The following NFASC variants were observed in gnomAD, a reference collection of about 807,000 sequenced individuals.
NFASC encodes neurofascin homolog.
In NFASC, 43 loss-of-function variants were observed where a neutral mutation model predicts 147.5. The observed-to-expected ratio is 0.29, with a 90% confidence interval of 0.23 to 0.38. The LOEUF (loss-of-function observed/expected upper bound fraction) is 0.38, where lower values mean the gene tolerates loss of function less well. Ranked by LOEUF, NFASC falls within the 10% of genes least tolerant of loss-of-function variation. The pLI, the probability that NFASC is intolerant of heterozygous loss-of-function variation, is 1.00. For synonymous variants in NFASC, 622 were observed against 665.5 expected (o/e 0.93, Z 1.01); for missense variants, 1,320 against 1,689.0 (o/e 0.78, Z 3.83).
chr1:204,924,986 C>T (rs979661408), intron 2 of NFASC, among the ~76,000 whole-genome samples: 9 of 152,186 alleles, frequency 5.9e-5, no homozygotes, highest in African/African-American at 9.7e-5. Flanking sequence ...AGTGATTCTC[C>T]GGCCTCAGCC....
chr1:204,969,055 G>A lies in NFASC; in HGVS notation c.1003+73G>A. 5 of 1,411,822 alleles carry A rather than the reference G, an allele frequency of 3.5e-6. No individual in the cohort carries two copies. The South Asian group carries it at 6.6e-5, about 19-fold the overall frequency. 87.5% of individuals were successfully genotyped at this position (1,411,822 alleles called of 1,614,324 possible). A position where few individuals can be genotyped will look rare whatever the true frequency, so the allele number is the denominator to read the frequency against. On this transcript the variant is annotated intron_variant, in intron 10 of 29. Transcript: ENST00000339876. ...ACCATGCCCACCCTTCCCTCTGAGG[G>A]TGGTTGGGGGCAGAGTGAGTCGGAG... is the stretch of plus-strand genomic sequence containing the variant.
At chr1:204,981,774 C>T in intron 20 of NFASC, 24 bp from the exon 21 acceptor site, 1 of 1,480,102 alleles carries the variant, frequency 6.8e-7, no homozygotes, top group South Asian at 1.3e-5. Flanking sequence ...GCAGCCTCTC[C>T]AGCCTGTCTG....
intron 11 of NFASC, among the ~76,000 whole-genome samples, chr1:204,972,670 T>C (rs1182853717): frequency 6.6e-6 from 1 of 152,252 alleles, no homozygotes; most frequent in African/African-American, 2.4e-5. Context: ...GGCATTGGCT[T>C]ATGGGTTTAA....
rs1379674166 is a variant in NFASC at position 204,968,846 on chromosome 1, T to C, written c.867T>C (p.Ser289=). 1 of 1,613,916 alleles carries C rather than the reference T, an allele frequency of 6.2e-7. No homozygotes were observed. The highest frequency in any genetic ancestry group is 8.5e-7 in the Non-Finnish European group (1 of 1,180,024). The change falls in exon 10 of 30, where the codon TCT becomes TCC. Residue 289 remains serine (S), a synonymous_variant. Coordinates refer to ENST00000339876, the MANE Select transcript of NFASC (RefSeq NM_001005388.3). This position sits in a 1 kb window ranked among gnomAD's most constrained non-coding sequence, Gnocchi z 5.4. The stretch of plus-strand genomic sequence containing the variant: ...ACAAGAAAGGTGGGGACCTCCCATC[T>C]GATAAGGCCAAGTTTGAGAACTTTA... ...AWYKKGGDLP[S]DKAKFENFNK...
At chr1:204,865,728 T>C (rs1278778170) in intron 1 of NFASC, among the ~76,000 whole-genome samples, 1 of 150,162 alleles carries the variant, frequency 6.7e-6, no homozygotes, top group Non-Finnish European at 1.5e-5. Context: ...GACTTTATTC[T>C]TCTTCTTCAA....
chr1:205,020,254 AAGACGGT>A lies in NFASC; in HGVS notation c.*3716_*3722del, dbSNP rs542979251. The A allele has an allele frequency of 5.9e-4, 90 of 152,348 alleles. No homozygotes were observed. Among genetic ancestry groups the A allele is most frequent in the African/African-American group, 1.9e-3 (79 of 41,530 alleles). 9.4% of individuals were successfully genotyped at this position (152,348 alleles called of 1,614,324 possible). Reference sequence around the variant, plus strand: ...TAGTTTCCCTGACCACAGCCTTGGGAAGACGGTGGAAACCCGAGGATGTGTGGGTTTC... The same window carrying A: ...TAGTTTCCCTGACCACAGCCTTGGGAGGAAACCCGAGGATGTGTGGGTTTC... On this transcript the variant is annotated 3_prime_UTR_variant, in exon 30 of 30. Coordinates refer to ENST00000339876, the MANE Select transcript of NFASC (RefSeq NM_001005388.3).
At position 204,911,621 on chromosome 1, in the gene NFASC, G is replaced by A. The variant is rs534177702; in HGVS notation, c.-199-9011G>A. 5.9e-5 allele frequency among the ~76,000 whole-genome samples: 9 copies of A among 152,154 alleles called. No homozygotes were observed. The East Asian group carries it at 1.7e-3, about 29-fold the overall frequency. On this transcript the variant is annotated intron_variant, in intron 1 of 29. Transcript: ENST00000339876. ...TTAAATGTTGCACTATCTATGTCTG[G>A]TTTTGGTATAAGGGTAACACTAACC...
chr1:204,958,878 G>C (rs1015489000), intron 8 of NFASC, among the ~76,000 whole-genome samples: 1 of 152,112 alleles, frequency 6.6e-6, no homozygotes, highest in African/African-American at 2.4e-5. Flanking sequence ...GTTCAGGTGA[G>C]ATCACTTCTC....
chr1:204,954,484 C>A lies in NFASC; in HGVS notation c.412+100C>A. On this transcript the variant is annotated intron_variant, in intron 6 of 29. Transcript: ENST00000339876. The surrounding 1 kb of genome is among the most constrained non-coding windows in gnomAD (Gnocchi z 5.7). The stretch of plus-strand genomic sequence containing the variant: ...CAGAAGGGCTGCCCCTGCCCTTGGC[C>A]TGCAGTTGCCTTGGTGTTCTCTATG... The A allele has an allele frequency of 9.0e-7, 1 of 1,110,096 alleles. No homozygotes were observed. The highest frequency in any genetic ancestry group is 2.5e-5 in the Admixed American group (1 of 40,120). 68.8% of individuals were successfully genotyped at this position (1,110,096 alleles called of 1,614,324 possible). A position where few individuals can be genotyped will look rare whatever the true frequency, so the allele number is the denominator to read the frequency against.
At chr1:204,927,406 T>C (rs2091826498) in intron 2 of NFASC, among the ~76,000 whole-genome samples, 1 of 152,240 alleles carries the variant, frequency 6.6e-6, no homozygotes, top group Non-Finnish European at 1.5e-5. Context: ...CATTTCTTTT[T>C]ATGGCTGAAT....
At chr1:204,960,166 G>A (rs1341405877) in intron 8 of NFASC, among the ~76,000 whole-genome samples, 2 of 152,226 alleles carry the variant, frequency 1.3e-5, no homozygotes, top group Non-Finnish European at 2.9e-5. Flanking sequence ...GGCAGGGGCA[G>A]CTTCAAAGGC....
At chr1:204,904,063 G>T (rs1345455584) in intron 1 of NFASC, among the ~76,000 whole-genome samples, 1 of 152,092 alleles carries the variant, frequency 6.6e-6, no homozygotes, top group Non-Finnish European at 1.5e-5. Flanking sequence ...ACATCGCTAG[G>T]CTTCAGATTT....
intron 1 of NFASC, among the ~76,000 whole-genome samples, chr1:204,841,615 C>G (rs548815106): frequency 6.6e-6 from 1 of 152,244 alleles, no homozygotes; most frequent in South Asian, 2.1e-4. Flanking sequence ...ACTGTCCCCT[C>G]TCTGCTTGAC....
At chr1:204,898,265 G>A (rs1359182636) in intron 1 of NFASC, among the ~76,000 whole-genome samples, 1 of 152,134 alleles carries the variant, frequency 6.6e-6, no homozygotes, top group African/African-American at 2.4e-5. Flanking sequence ...ATGCAGTTTT[G>A]TATTATTTAG....
chr1:204,960,276 A>G (rs888482849), intron 8 of NFASC, among the ~76,000 whole-genome samples: 4 of 152,212 alleles, frequency 2.6e-5, no homozygotes, highest in African/African-American at 7.2e-5. Context: ...GAAGTTGACA[A>G]TGGTATGTAA....
intron 1 of NFASC, among the ~76,000 whole-genome samples, chr1:204,906,057 T>G (rs2085774282): frequency 1.3e-5 from 2 of 152,250 alleles, no homozygotes; most frequent in African/African-American, 4.8e-5. Context: ...AGATGTCTGT[T>G]GGATTGTTTA....
chr1:205,000,844 A>C, intron 25 of NFASC: 1 of 358,594 alleles, frequency 2.8e-6, no homozygotes, highest in Non-Finnish European at 5.2e-6. Context: ...AAAAAACAGA[A>C]AACAAAAAAA....
At position 204,954,853 on chromosome 1, in the gene NFASC, A is replaced by G; in HGVS notation, c.437A>G (p.Asn146Ser). The change falls in exon 7 of 30, where the codon AAC (asparagine) becomes AGC (serine). Residue 146 changes from asparagine (N) to serine (S), a missense_variant. Asn to Ser is a conservative substitution (Grantham distance 46, BLOSUM62 1). Around this residue, in one of 3 missense-constraint regions of NFASC, gnomAD observed 981 missense variants for 1,289.5 expected, o/e 0.76. Transcript: ENST00000339876. The surrounding 1 kb of genome is among the most constrained non-coding windows in gnomAD (Gnocchi z 5.7). The stretch of plus-strand genomic sequence containing the variant: ...GAATCTCCTCTGTGGCCCAAGGAAA[A>G]CCTAGACCCTGTCGTGGTCCAAGAG... ...VSKSPLWPKE[N>S]LDPVVVQEGA... 6.2e-7 allele frequency: 1 copy of G among 1,613,970 alleles called. No homozygotes were observed. Among genetic ancestry groups the G allele is most frequent in the Non-Finnish European group, 8.5e-7 (1 of 1,180,004 alleles).
chr1:204,969,178 G>C lies in NFASC; in HGVS notation c.1003+196G>C, dbSNP rs2278800. Among the ~76,000 whole-genome samples, 112 of 152,266 alleles carry C rather than the reference G, an allele frequency of 7.4e-4. 1 individual carries two copies. The East Asian group carries it at 0.021, about 28-fold the overall frequency. ...TGTGTGCATGCCCGTGCATGGGGCAGGGGGTGTTAAGGAGATCCACCCTGG... is the reference window on the plus strand; with the variant it reads ...TGTGTGCATGCCCGTGCATGGGGCACGGGGTGTTAAGGAGATCCACCCTGG... On this transcript the variant is annotated intron_variant, in intron 10 of 29. Transcript: ENST00000339876.
Sources: allele counts gnomAD v4.1 joint callset (sites outside exome capture counted in the v4.1 genomes callset), GRCh38; gene constraint gnomAD v4.1.1; regional missense constraint gnomAD v4.1.1; non-coding constraint Gnocchi (gnomAD v3.1); transcripts MANE v1.5; gene names NCBI Gene and HGNC (gene_info 2026-07-23, HGNC 2026-07-21).